The following IL1RAPL1 variants were observed in gnomAD, a reference collection of about 807,000 sequenced individuals.
The protein encoded by IL1RAPL1 is interleukin-1 receptor accessory protein-like 1.
In IL1RAPL1, 3 loss-of-function variants were observed where a neutral mutation model predicts 48.4. That is an observed-to-expected ratio of 0.06 (90% CI 0.03 to 0.16). IL1RAPL1 has a LOEUF of 0.16. IL1RAPL1 is among the 10% of genes least tolerant of loss of function. The pLI is 1.00. For synonymous variants in IL1RAPL1, 185 were observed against 187.7 expected (o/e 0.99, Z 0.12); for missense variants, 349 against 530.6 (o/e 0.66, Z 3.36).
At chrX:28,756,107 T>G (rs1316866634) in intron 1 of IL1RAPL1, among the ~76,000 whole-genome samples, 1 of 111,612 alleles carries the variant, frequency 9.0e-6, no homozygotes, top group African/African-American at 3.3e-5. Context: ...CCCCATAACT[T>G]GAAATCCATC....
chrX:29,525,460 A>G (rs1317176010), intron 5 of IL1RAPL1, among the ~76,000 whole-genome samples: 1 of 112,205 alleles, frequency 8.9e-6, no homozygotes, highest in Non-Finnish European at 1.9e-5. Flanking sequence ...GAGGTTTTAG[A>G]GAAGGCAGAT....
intron 2 of IL1RAPL1, among the ~76,000 whole-genome samples, chrX:28,977,123 T>G (rs1314747984): frequency 2.7e-5 from 3 of 112,543 alleles, no homozygotes; most frequent in Non-Finnish European, 5.6e-5. Flanking sequence ...AACTTCTGCT[T>G]ATTTGTCAAA....
intron 6 of IL1RAPL1, among the ~76,000 whole-genome samples, chrX:29,885,058 C>G (rs1283834209): frequency 2.7e-5 from 3 of 111,353 alleles, no homozygotes; most frequent in African/African-American, 9.8e-5. Flanking sequence ...CTTAGCATGT[C>G]TCCTCCTCTC....
intron 1 of IL1RAPL1, among the ~76,000 whole-genome samples, chrX:28,603,261 C>T (rs1160297544): frequency 1.8e-5 from 2 of 111,216 alleles, no homozygotes; most frequent in Non-Finnish European, 3.8e-5. Context: ...TAGGACAGGA[C>T]CCTGACTATT....
chrX:28,799,958 T>C (rs1334613790), intron 2 of IL1RAPL1, among the ~76,000 whole-genome samples: 1 of 111,762 alleles, frequency 8.9e-6, no homozygotes, highest in African/African-American at 3.3e-5. Flanking sequence ...TCTGGAATTG[T>C]ACTAGTTTCC....
intron 6 of IL1RAPL1, among the ~76,000 whole-genome samples, chrX:29,698,155 C>T (rs191968169): frequency 6.7e-4 from 73 of 108,394 alleles, no homozygotes; most frequent in Admixed American, 1.5e-3. Context: ...ATGGTCTTTA[C>T]TATTTCTGGA....
chrX:29,059,856 A>G (rs769578026), intron 2 of IL1RAPL1, among the ~76,000 whole-genome samples: 1 of 111,734 alleles, frequency 8.9e-6, no homozygotes, highest in South Asian at 3.7e-4. Flanking sequence ...TTAAAAAAAG[A>G]CTAACAGGTC....
intron 2 of IL1RAPL1, among the ~76,000 whole-genome samples, chrX:28,948,501 C>T (rs1046173303): frequency 1.2e-4 from 13 of 110,826 alleles, no homozygotes; most frequent in African/African-American, 3.6e-4. Flanking sequence ...ATTGAATTCC[C>T]GGACAGATGT....
Position 29,898,393 on chromosome X carries a change from G to A in IL1RAPL1, c.779-19071G>A, listed in dbSNP as rs745464366. On this transcript the variant is annotated intron_variant, in intron 6 of 10. Coordinates refer to ENST00000378993, the MANE Select transcript of IL1RAPL1 (RefSeq NM_014271.4). ...CAAGATGGTGTTTGATTCAGAATGC[G>A]CATCGTATCAGCAACACTTGCCATC... Among the ~76,000 whole-genome samples the A allele has an allele frequency of 3.6e-5, 4 of 111,822 alleles. No individual in the cohort carries two copies. The South Asian group carries it at 1.1e-3, about 31-fold the overall frequency.
intron 6 of IL1RAPL1, among the ~76,000 whole-genome samples, chrX:29,870,940 G>A (rs1021441819): frequency 2.7e-5 from 3 of 112,291 alleles, no homozygotes; most frequent in African/African-American, 6.5e-5. Context: ...CAAAGTTCTC[G>A]TCTTACGGTT....
intron 2 of IL1RAPL1, among the ~76,000 whole-genome samples, chrX:28,880,337 C>A (rs1450807376): frequency 8.9e-6 from 1 of 111,913 alleles, no homozygotes; most frequent in African/African-American, 3.2e-5. Flanking sequence ...TGCAGGAATT[C>A]CCTTGTAAGA....
chrX:29,381,833 A>T (rs6526851), intron 3 of IL1RAPL1, among the ~76,000 whole-genome samples: 1,793 of 22,629 alleles, frequency 0.079, 52 homozygotes, highest in East Asian at 0.2. Context: ...AAAAAAAAAA[A>T]ATATATATAT....
At chrX:29,765,402 A>G (rs552408012) in intron 6 of IL1RAPL1, among the ~76,000 whole-genome samples, 1 of 111,931 alleles carries the variant, frequency 8.9e-6, no homozygotes, top group Non-Finnish European at 1.9e-5. Context: ...TTTGCTTGCA[A>G]TAAGGTTCTG....
At chrX:29,884,975 GT>G (rs1157818174) in intron 6 of IL1RAPL1, among the ~76,000 whole-genome samples, 3 of 111,450 alleles carry the variant, frequency 2.7e-5, no homozygotes, top group Non-Finnish European at 3.8e-5. Context: ...AAAGCTCTCT[GT>G]TTTACATTGT....
intron 2 of IL1RAPL1, among the ~76,000 whole-genome samples, chrX:28,903,699 T>C (rs999659040): frequency 9.0e-6 from 1 of 110,955 alleles, no homozygotes; most frequent in Non-Finnish European, 1.9e-5. Flanking sequence ...GATTATGTTA[T>C]CAGGACTAGG....
chrX:29,686,938 T>C (rs1926642137), intron 6 of IL1RAPL1, among the ~76,000 whole-genome samples: 1 of 107,871 alleles, frequency 9.3e-6, no homozygotes, highest in African/African-American at 3.4e-5. Flanking sequence ...ACACATCAAA[T>C]CTACAGTGAG....
At chrX:29,732,585 T>G (rs1927948543) in intron 6 of IL1RAPL1, among the ~76,000 whole-genome samples, 1 of 112,360 alleles carries the variant, frequency 8.9e-6, no homozygotes, top group Admixed American at 9.4e-5. Context: ...TCCTTCCACA[T>G]AATGAACATC....
chrX:29,307,554 C>G (rs1932644557), intron 3 of IL1RAPL1, among the ~76,000 whole-genome samples: 1 of 111,924 alleles, frequency 8.9e-6, no homozygotes, highest in Non-Finnish European at 1.9e-5. Context: ...TAGAACTATA[C>G]ATAGCATAAA....
chrX:29,122,026 C>G (rs1251782092), intron 2 of IL1RAPL1, among the ~76,000 whole-genome samples: 1 of 111,414 alleles, frequency 9.0e-6, no homozygotes, highest in Non-Finnish European at 1.9e-5. Flanking sequence ...ATGTAAGTAA[C>G]TTATCTTTGT....
Sources: allele counts gnomAD v4.1 joint callset (sites outside exome capture counted in the v4.1 genomes callset), GRCh38; gene constraint gnomAD v4.1.1; transcripts MANE v1.5; gene names NCBI Gene and HGNC (gene_info 2026-07-23, HGNC 2026-07-21).